STIP1: variants seen among roughly 807,000 people sequenced by gnomAD.
STIP1 encodes stress-induced-phosphoprotein 1.
In STIP1, 16 loss-of-function variants were observed where a neutral mutation model predicts 77.4. The observed-to-expected ratio is 0.21, with a 90% CI of 0.14 to 0.31. The LOEUF (loss-of-function observed/expected upper bound fraction) is 0.31, where lower values mean the gene tolerates loss of function less well. Ranked by LOEUF, STIP1 falls within the 10% of genes least tolerant of loss-of-function variation. The pLI is 1.00. For synonymous variants in STIP1, 258 were observed against 246.6 expected, an observed-to-expected ratio of 1.05 and a Z score of -0.44; for missense variants, 524 against 684.8, an observed-to-expected ratio of 0.77 and a Z score of 2.62.
In STIP1 at chr11:64,203,852, T is replaced by A. The variant is rs1210864222; in HGVS notation, c.1560-202T>A. ...ATTTAGCTGGGAGAAAGGTCTTGAC[T>A]GGAAGCTGTGTCGTGGGCTCAAGAG... On this transcript the variant is annotated intron_variant, in intron 13 of 13. Transcript: ENST00000305218. 25 of 769,230 alleles carry A rather than the reference T, an allele frequency of 3.2e-5. No homozygotes were observed. The South Asian group carries it at 4.0e-4, about 12-fold the overall frequency. The allele number at this position is 769,230 out of a possible 1,614,324, so 47.7% of individuals were successfully genotyped here.
At chr11:64,197,630 C>G in intron 7 of STIP1, 35 bp downstream of exon 7, 1 of 1,610,886 alleles carries the variant, frequency 6.2e-7, no homozygotes, top group Non-Finnish European at 8.5e-7. Flanking sequence ...TTGAGTAGCG[C>G]GGAGGGTTTG....
In STIP1 at chr11:64,197,344, A is replaced by G. The variant is rs1370688256; in HGVS notation, c.746A>G (p.Asp249Gly). ...TTTGACACAGCCTTGAAGCATTACG[A>G]CAAAGCCAAGGAGCTGGACCCCACT... ...KDFDTALKHY[D>G]KAKELDPTNM... is the part of the protein sequence containing the mutation. Residue 249 changes from aspartate (D) to glycine (G), a missense_variant, in exon 6 of 14, where the codon GAC becomes GGC. Coordinates refer to ENST00000305218, the MANE Select transcript of STIP1 (RefSeq NM_006819.3). The G allele has an allele frequency of 1.2e-6, 2 of 1,614,032 alleles. No homozygotes were observed. The highest frequency in any genetic ancestry group is 1.7e-6 in the Non-Finnish European group (2 of 1,180,024).
At chr11:64,193,806 G>A (rs1026241254) in intron 2 of STIP1, among the ~76,000 whole-genome samples, 11 of 152,076 alleles carry the variant, frequency 7.2e-5, no homozygotes, top group African/African-American at 1.7e-4. Flanking sequence ...GAAGAGGCCC[G>A]GTACAGTGGC....
Position 64,197,502 on chromosome 11 carries a change from T to C in STIP1, c.809T>C (p.Phe270Ser). The stretch of plus-strand genomic sequence containing the variant: ...CCATCCTGCCTGGCAGCGGTATACT[T>C]TGAAAAGGGCGACTACAATAAGTGC... ...TYITNQAAVY[F>S]EKGDYNKCRE... is the part of the protein sequence containing the mutation. The change falls in exon 7 of 14, where the codon TTT becomes TCT. Residue 270 changes from phenylalanine (F) to serine (S), a missense_variant. Phe to Ser is a radical substitution (Grantham distance 155, BLOSUM62 -2). Coordinates refer to ENST00000305218, the MANE Select transcript of STIP1 (RefSeq NM_006819.3). 3 of 1,614,154 alleles carry C rather than the reference T, an allele frequency of 1.9e-6. No individual in the cohort carries two copies. Among genetic ancestry groups the C allele is most frequent in the Non-Finnish European group, 2.5e-6 (3 of 1,180,032 alleles).
In STIP1 at chr11:64,197,608, T is replaced by A. The variant is rs377625696; in HGVS notation, c.902+13T>A. ...GACAGATTGCCAAGTAGGCTCAACCTTCCAGAATACCTTGAGTAGCGCGGA... is the reference window on the plus strand; with the variant it reads ...GACAGATTGCCAAGTAGGCTCAACCATCCAGAATACCTTGAGTAGCGCGGA... On this transcript the variant is annotated intron_variant, in intron 7 of 13. Coordinates refer to ENST00000305218, the MANE Select transcript of STIP1 (RefSeq NM_006819.3). 8.7e-6 allele frequency: 14 copies of A among 1,613,774 alleles called. No homozygotes were observed. The African/African-American group carries it at 1.5e-4, about 17-fold the overall frequency.
chr11:64,188,571 C>T (rs575486524), intron 1 of STIP1, among the ~76,000 whole-genome samples: 7 of 152,224 alleles, frequency 4.6e-5, no homozygotes, highest in Non-Finnish European at 8.8e-5. Context: ...AGAGACGGGG[C>T]TCTTGCTGTT....
chr11:64,194,827 T>C (rs1464155116), intron 4 of STIP1, among the ~76,000 whole-genome samples: 2 of 152,232 alleles, frequency 1.3e-5, no homozygotes, highest in African/African-American at 4.8e-5. Flanking sequence ...ATGTTCTTTG[T>C]CATCTGTATA....
chr11:64,202,770 T>G (rs2134811571), intron 10 of STIP1, 106 bp from the exon 11 acceptor site: 1 of 1,260,896 alleles, frequency 7.9e-7, no homozygotes, highest in Non-Finnish European at 1.2e-6. Context: ...TCCCCTCTGT[T>G]TGGTGCTGGG....
chr11:64,203,025 ACAT>A (rs746491433), intron 11 of STIP1, 97 bp from the exon 12 acceptor site: 432 of 1,597,148 alleles, frequency 2.7e-4, no homozygotes, highest in Non-Finnish European at 3.6e-4. Flanking sequence ...TTAGGATCCA[ACAT>A]CAGCAGGTGT....
At chr11:64,194,648 T>C (rs995097089) in intron 4 of STIP1, 28 bp downstream of exon 4, 1 of 1,607,072 alleles carries the variant, frequency 6.2e-7, no homozygotes, top group East Asian at 2.2e-5. Context: ...ACTGAGGTTC[T>C]GGAAATCGGG....
intron 1 of STIP1, among the ~76,000 whole-genome samples, chr11:64,187,826 C>T (rs1199339734): frequency 6.6e-6 from 1 of 151,572 alleles, no homozygotes; most frequent in Non-Finnish European, 1.5e-5. Flanking sequence ...ACAGTGAAAC[C>T]CCGTCTCTAC....
chr11:64,185,932 C>T (rs1367002853), upstream of STIP1: 20 of 1,536,330 alleles, frequency 1.3e-5, no homozygotes, highest in East Asian at 4.9e-5. Context: ...CAATCCGTGT[C>T]GCAGAAGTTC....
chr11:64,197,479 A>G lies in STIP1; in HGVS notation c.800-14A>G, dbSNP rs751486392. 8.1e-6 allele frequency: 13 copies of G among 1,614,040 alleles called. No homozygotes were observed. The highest frequency in any genetic ancestry group is 2.7e-5 in the African/African-American group (2 of 74,896). On this transcript the variant is annotated splice_polypyrimidine_tract_variant and intron_variant, in intron 6 of 13. Transcript: ENST00000305218. Reference sequence around the variant, plus strand: ...AAAGACTGACTGTTCCTTCTTAACCATCCTGCCTGGCAGCGGTATACTTTG... The same window carrying G: ...AAAGACTGACTGTTCCTTCTTAACCGTCCTGCCTGGCAGCGGTATACTTTG...
At chr11:64,186,109 T>G (rs1946010885), upstream of STIP1, 2 of 1,550,202 alleles carry the variant, frequency 1.3e-6, no homozygotes, top group South Asian at 2.4e-5. Context: ...AGCACAGACA[T>G]TCCCCCTAGA....
At chr11:64,189,842 TTTTG>T (rs1946071640) in intron 1 of STIP1, among the ~76,000 whole-genome samples, 1 of 152,008 alleles carries the variant, frequency 6.6e-6, no homozygotes, top group South Asian at 2.1e-4. Flanking sequence ...ACCACTTGAG[TTTTG>T]TTAACTCTTC....
chr11:64,204,085 A>G lies in STIP1; in HGVS notation c.1591A>G (p.Ile531Val). ...AAAGAATCCTGTAATAGCACAGAAG[A>G]TCCAGAAGCTGATGGATGTGGGTCT... ...HLKNPVIAQK[I>V]QKLMDVGLIA... The change falls in exon 14 of 14, where the codon ATC becomes GTC. Residue 531 changes from isoleucine (I) to valine (V), a missense_variant. By Grantham distance (29) the Ile-to-Val change is conservative. Coordinates refer to ENST00000305218, the MANE Select transcript of STIP1 (RefSeq NM_006819.3). 6.2e-7 allele frequency: 1 copy of G among 1,614,166 alleles called. No individual in the cohort carries two copies. The highest frequency in any genetic ancestry group is 8.5e-7 in the Non-Finnish European group (1 of 1,180,036).
upstream of STIP1, chr11:64,185,287 C>T (rs7941773): frequency 0.11 from 17,891 of 162,034 alleles, 1,238 homozygotes; most frequent in Non-Finnish European, 0.16. Flanking sequence ...CCCCTCGGCC[C>T]TACAGGACCA....
intron 10 of STIP1, among the ~76,000 whole-genome samples, chr11:64,201,072 A>G (rs887521012): frequency 1.3e-5 from 2 of 148,526 alleles, no homozygotes; most frequent in African/African-American, 2.5e-5. Context: ...GTCTGGCTCT[A>G]TCGCCCAGGC....
chr11:64,198,891 A>G (rs1280613833), intron 8 of STIP1, among the ~76,000 whole-genome samples: 1 of 151,710 alleles, frequency 6.6e-6, no homozygotes, highest in Non-Finnish European at 1.5e-5. Flanking sequence ...AAAGACTGTA[A>G]ATTTCTTTTA....
Sources: gnomAD v4.1 joint callset for allele counts (sites outside exome capture counted in the v4.1 genomes callset) on GRCh38, gnomAD v4.1.1 for gene constraint, MANE v1.5 for transcripts, NCBI Gene and HGNC (gene_info 2026-07-23, HGNC 2026-07-21) for gene names.